DCDC1: variants seen among roughly 807,000 people sequenced by gnomAD.
The protein encoded by DCDC1 is doublecortin domain-containing protein 1.
A neutral mutation model predicts 178.3 loss-of-function variants in DCDC1; 200 were observed. The ratio of observed to expected loss-of-function variants is 1.12; its 90% CI spans 1.00 to 1.26. The LOEUF (loss-of-function observed/expected upper bound fraction) is 1.26, where lower values mean the gene tolerates loss of function less well. DCDC1 is among the 50% of genes most tolerant of loss of function. The pLI, the probability that DCDC1 is intolerant of heterozygous loss-of-function variation, is 0.00. For missense variants in DCDC1, 1,983 were observed against 1,749.2 expected, an observed-to-expected ratio of 1.13 and a Z score of -2.38; for synonymous variants, 690 against 604.8, an observed-to-expected ratio of 1.14 and a Z score of -2.07.
chr11:30,915,510 C>T lies in DCDC1; in HGVS notation c.3653+1G>A. The stretch of plus-strand genomic sequence containing the variant: ...AGTAAACCCAAATATAATGGGATTA[C>T]CTGCTGTCTTCCTGGTGTATCCAGC... On this transcript the variant is annotated splice_donor_variant, in intron 27 of 38. Coordinates refer to ENST00000684477, the MANE Select transcript of DCDC1 (RefSeq NM_001387274.1). LOFTEE classifies it high-confidence loss of function. 2 of 1,613,818 alleles carry T rather than the reference C, an allele frequency of 1.2e-6. No individual in the cohort carries two copies. Among genetic ancestry groups the T allele is most frequent in the Non-Finnish European group, 8.5e-7 (1 of 1,179,810 alleles).
At chr11:31,081,172 A>G (rs776970864) in intron 17 of DCDC1, among the ~76,000 whole-genome samples, 20 of 152,226 alleles carry the variant, frequency 1.3e-4, no homozygotes, top group Non-Finnish European at 2.2e-4. Flanking sequence ...AAAAACGTGA[A>G]TAAAGTGTCA....
intron 30 of DCDC1, 74 bp downstream of exon 30, chr11:30,906,466 G>A (rs973562660): frequency 9.0e-6 from 13 of 1,446,974 alleles, no homozygotes; most frequent in African/African-American, 2.8e-5. Context: ...TTGAGTGCAA[G>A]GCAGATAATG....
chr11:31,081,332 G>A (rs117723062), intron 17 of DCDC1, among the ~76,000 whole-genome samples: 3,226 of 152,178 alleles, frequency 0.021, 53 homozygotes, highest in Non-Finnish European at 0.031. Flanking sequence ...AAATAAGGCC[G>A]GGCATGGTGG....
At chr11:31,325,807 T>C (rs1412053697) in intron 3 of DCDC1, among the ~76,000 whole-genome samples, 1 of 152,094 alleles carries the variant, frequency 6.6e-6, no homozygotes, top group East Asian at 1.9e-4. Context: ...AAATTGACTA[T>C]ATTTTAATAA....
At chr11:31,258,421 A>G (rs1944557028) in intron 8 of DCDC1, among the ~76,000 whole-genome samples, 2 of 152,294 alleles carry the variant, frequency 1.3e-5, no homozygotes, top group Admixed American at 1.3e-4. Flanking sequence ...ACCAGAAAGC[A>G]AAAGGAAAGT....
At chr11:31,184,460 C>T (rs947249104) in intron 9 of DCDC1, among the ~76,000 whole-genome samples, 9 of 152,114 alleles carry the variant, frequency 5.9e-5, no homozygotes, top group South Asian at 2.1e-4. Flanking sequence ...AACTAAAGAG[C>T]TTCTGCACAG....
chr11:31,065,699 TAAC>T (rs1037543507), intron 18 of DCDC1, among the ~76,000 whole-genome samples: 12 of 152,064 alleles, frequency 7.9e-5, no homozygotes, highest in African/African-American at 2.9e-4. Flanking sequence ...AATCACTAAA[TAAC>T]AAACAAAGCA....
intron 6 of DCDC1, among the ~76,000 whole-genome samples, chr11:31,299,360 T>A (rs1947931847): frequency 6.6e-6 from 1 of 152,206 alleles, no homozygotes; most frequent in Non-Finnish European, 1.5e-5. Context: ...ATTGTGCCAA[T>A]CAAAATGTTG....
At chr11:31,178,852 C>G (rs1255794297) in intron 9 of DCDC1, among the ~76,000 whole-genome samples, 1 of 152,024 alleles carries the variant, frequency 6.6e-6, no homozygotes, top group Non-Finnish European at 1.5e-5. Context: ...GCCACCACAC[C>G]TGGCTAATTT....
chr11:31,289,961 TAA>T (rs1947107603), intron 7 of DCDC1, among the ~76,000 whole-genome samples: 1 of 152,044 alleles, frequency 6.6e-6, no homozygotes, highest in Non-Finnish European at 1.5e-5. Flanking sequence ...AGGTTGCTTT[TAA>T]ATTGGTTGAA....
At chr11:31,097,973 C>T (rs566204206) in intron 15 of DCDC1, among the ~76,000 whole-genome samples, 3 of 152,106 alleles carry the variant, frequency 2.0e-5, no homozygotes, top group South Asian at 4.1e-4. Flanking sequence ...TAAATTGTAA[C>T]AAGTATACCA....
At chr11:31,037,116 C>A (rs1009832246) in intron 20 of DCDC1, among the ~76,000 whole-genome samples, 1 of 152,132 alleles carries the variant, frequency 6.6e-6, no homozygotes, top group Non-Finnish European at 1.5e-5. Flanking sequence ...GCAGAGCTAC[C>A]CTCACTGAAG....
At chr11:31,255,913 GA>G (rs1944392609) in intron 8 of DCDC1, among the ~76,000 whole-genome samples, 2 of 152,192 alleles carry the variant, frequency 1.3e-5, no homozygotes, top group African/African-American at 4.8e-5. Context: ...CCACAGTCGT[GA>G]AAATGTGAAC....
In DCDC1 at chr11:31,137,758, C is replaced by T. The variant is rs2136000444; in HGVS notation, c.1248G>A (p.Lys416=). The change falls in exon 10 of 39, where the codon AAG becomes AAA. Residue 416 remains lysine (K), a synonymous_variant. Coordinates refer to ENST00000684477, the MANE Select transcript of DCDC1 (RefSeq NM_001387274.1). The part of the protein sequence containing the change: ...KQLNLVMNEQ[K]EKITEKVILS... Reference sequence around the variant, plus strand: ...GAATGACTTTTTCTGTAATTTTCTCCTTCTGTTCATTCATGACCAGGTTCA... The same window carrying T: ...GAATGACTTTTTCTGTAATTTTCTCTTTCTGTTCATTCATGACCAGGTTCA... 1 of 702,338 alleles carries T rather than the reference C, an allele frequency of 1.4e-6. No homozygotes were observed. The highest frequency in any genetic ancestry group is 2.7e-5 in the East Asian group (1 of 37,234). 43.5% of individuals were successfully genotyped at this position (702,338 alleles called of 1,614,324 possible). A position where few individuals can be genotyped will look rare whatever the true frequency, so the allele number is the denominator to read the frequency against.
chr11:30,992,941 A>C (rs1951071200), intron 20 of DCDC1, among the ~76,000 whole-genome samples: 1 of 152,154 alleles, frequency 6.6e-6, no homozygotes, highest in African/African-American at 2.4e-5. Context: ...GCTTGTGGTA[A>C]ACTCAATGCA....
chr11:31,133,995 G>A (rs1962799897), intron 10 of DCDC1, among the ~76,000 whole-genome samples: 1 of 152,154 alleles, frequency 6.6e-6, no homozygotes, highest in African/African-American at 2.4e-5. Context: ...GAGCCACCAC[G>A]CCTGGCCCAA....
At chr11:31,334,056 T>G (rs1950146648) in intron 2 of DCDC1, among the ~76,000 whole-genome samples, 1 of 152,174 alleles carries the variant, frequency 6.6e-6, no homozygotes, top group African/African-American at 2.4e-5. Flanking sequence ...GTCCCATAAT[T>G]CTTGGAGGCT....
chr11:31,130,866 A>G (rs1565324376), intron 10 of DCDC1, among the ~76,000 whole-genome samples: 1 of 152,142 alleles, frequency 6.6e-6, no homozygotes, highest in South Asian at 2.1e-4. Flanking sequence ...TAAGGGAAAC[A>G]GAAAAAAGAA....
At chr11:31,280,132 G>A (rs1946318476) in intron 7 of DCDC1, among the ~76,000 whole-genome samples, 1 of 152,038 alleles carries the variant, frequency 6.6e-6, no homozygotes, top group Non-Finnish European at 1.5e-5. Context: ...GTAAGTAAAA[G>A]GAACCATTTT....
Sources: allele counts gnomAD v4.1 joint callset (sites outside exome capture counted in the v4.1 genomes callset), GRCh38; gene constraint gnomAD v4.1.1; transcripts MANE v1.5; gene names NCBI Gene and HGNC (gene_info 2026-07-23, HGNC 2026-07-21).